DOCK8: variants seen among roughly 807,000 people sequenced by gnomAD.
The protein encoded by DOCK8 is dedicator of cytokinesis protein 8.
DOCK8 carries 141 observed loss-of-function variants against 245.6 expected under a neutral mutation model. The ratio of observed to expected loss-of-function variants is 0.57; its 90% CI spans 0.50 to 0.66. The LOEUF is 0.66. Ranked by LOEUF, DOCK8 falls within the 30% of genes least tolerant of loss-of-function variation. The probability of loss-of-function intolerance (pLI) is 0.00; values close to 1 mark genes in which losing one functional copy is unlikely to be tolerated. For synonymous variants in DOCK8, 1,168 were observed against 970.2 expected, an observed-to-expected ratio of 1.20 and a Z score of -3.79; for missense variants, 2,965 against 2,603.4, an observed-to-expected ratio of 1.14 and a Z score of -3.02.
chr9:288,999 G>A (rs528278384), intron 3 of DOCK8, among the ~76,000 whole-genome samples: 236 of 152,268 alleles, frequency 1.5e-3, no homozygotes, highest in Non-Finnish European at 2.7e-3. Context: ...CATTCCTTAA[G>A]TAGACATGAC....
chr9:304,711 C>A lies in DOCK8; in HGVS notation c.528+7C>A, dbSNP rs114833839. ...CAGTGAACCCGCTGCTCAGGTATTT[C>A]CTGTCAACAAACATGGTTACCAGGT... On this transcript the variant is annotated splice_region_variant and intron_variant, in intron 5 of 47. Coordinates refer to ENST00000432829, the MANE Select transcript of DOCK8 (RefSeq NM_203447.4). 721 of 1,614,126 alleles carry A rather than the reference C, an allele frequency of 4.5e-4. 4 individuals carry two copies. The African/African-American group carries it at 7.4e-3, about 16-fold the overall frequency.
intron 14 of DOCK8, among the ~76,000 whole-genome samples, chr9:345,326 T>C (rs7019782): frequency 0.56 from 85,458 of 151,894 alleles, 25,061 homozygotes; most frequent in East Asian, 0.74. Flanking sequence ...TTATAAAAAG[T>C]TGATCTGCCT....
chr9:363,497 G>A (rs983662034), intron 14 of DOCK8, among the ~76,000 whole-genome samples: 8 of 152,178 alleles, frequency 5.3e-5, no homozygotes, highest in African/African-American at 1.4e-4. Flanking sequence ...AAAAGGAAAC[G>A]TTATTATTCT....
At chr9:384,649 G>T (rs189361739) in intron 22 of DOCK8, among the ~76,000 whole-genome samples, 1 of 152,370 alleles carries the variant, frequency 6.6e-6, no homozygotes, top group East Asian at 1.9e-4. Flanking sequence ...GGGCACCGTG[G>T]CTCATGCCAG....
At chr9:283,023 A>G (rs2048658457) in intron 2 of DOCK8, among the ~76,000 whole-genome samples, 1 of 152,174 alleles carries the variant, frequency 6.6e-6, no homozygotes, top group Admixed American at 6.5e-5. Flanking sequence ...TAAATATATT[A>G]TTTGACTCAC....
rs183014004 is a variant in DOCK8, at chr9:220,171, A to G, written c.53+5142A>G. Among the ~76,000 whole-genome samples the G allele has an allele frequency of 2.0e-5, 3 of 152,314 alleles. No homozygotes were observed. The East Asian group carries it at 5.8e-4, about 29-fold the overall frequency. ...AAAGACCAACAGAGGGGCTTGGGCA[A>G]TCAGACACAGAATTTTTGGCCTTTC... On this transcript the variant is annotated intron_variant, in intron 1 of 47. Transcript: ENST00000432829.
At chr9:211,258 G>T (rs1463425455), upstream of DOCK8, among the ~76,000 whole-genome samples, 2 of 152,130 alleles carry the variant, frequency 1.3e-5, no homozygotes, top group Non-Finnish European at 1.5e-5. Context: ...GGCCTGGGCA[G>T]ACAGGAGCAC....
At position 376,263 on chromosome 9, in the gene DOCK8, A is replaced by T. The variant is rs2131256448; in HGVS notation, c.2163A>T (p.Val721=). The T allele has an allele frequency of 6.2e-7, 1 of 1,613,608 alleles. No homozygotes were observed. Among genetic ancestry groups the T allele is most frequent in the Non-Finnish European group, 8.5e-7 (1 of 1,179,580 alleles). Residue 721 remains valine, a synonymous_variant, in exon 19 of 48, where the codon GTA becomes GTT. Transcript: ENST00000432829. The part of the protein sequence containing the change: ...PIKWAEGHKG[V]FNIEVQAVSS... ...AGTGGGCTGAAGGACATAAGGGAGT[A>T]TTTAATATTGAAGTGCAAGCTGTTT... is the stretch of plus-strand genomic sequence containing the variant.
intron 28 of DOCK8, among the ~76,000 whole-genome samples, chr9:414,047 CAGA>C (rs906697953): frequency 6.6e-6 from 1 of 151,056 alleles, no homozygotes; most frequent in Non-Finnish European, 1.5e-5. Flanking sequence ...GAGGCTGAGT[CAGA>C]AGAATTGCTT....
chr9:309,905 T>C (rs1300877719), intron 5 of DOCK8, among the ~76,000 whole-genome samples: 1 of 152,204 alleles, frequency 6.6e-6, no homozygotes, highest in Non-Finnish European at 1.5e-5. Context: ...TATCTATTTA[T>C]TTGTGAATGA....
intron 10 of DOCK8, among the ~76,000 whole-genome samples, chr9:333,131 C>T (rs560195747): frequency 6.6e-6 from 1 of 152,192 alleles, no homozygotes; most frequent in African/African-American, 2.4e-5. Context: ...AGTGCCAGAG[C>T]TCTCCTGGCC....
At chr9:237,213 G>T in intron 1 of DOCK8, among the ~76,000 whole-genome samples, 1 of 152,368 alleles carries the variant, frequency 6.6e-6, no homozygotes, top group South Asian at 2.1e-4. Flanking sequence ...ACAAGGATTT[G>T]GATGTGGGAG....
chr9:295,671 A>T (rs750453179), intron 4 of DOCK8, among the ~76,000 whole-genome samples: 6 of 152,170 alleles, frequency 3.9e-5, no homozygotes, highest in Non-Finnish European at 5.9e-5. Context: ...TCAAACACTG[A>T]TTTAGTTAGC....
At chr9:293,762 G>C (rs2049142414) in intron 4 of DOCK8, among the ~76,000 whole-genome samples, 1 of 152,214 alleles carries the variant, frequency 6.6e-6, no homozygotes, top group African/African-American at 2.4e-5. Flanking sequence ...TTCATAAGTG[G>C]TTTACTAGAA....
At chr9:429,629 T>G in intron 35 of DOCK8, 73 bp from the exon 36 acceptor site, 1 of 1,569,006 alleles carries the variant, frequency 6.4e-7, no homozygotes, top group Non-Finnish European at 8.7e-7. Flanking sequence ...AATGGACATT[T>G]GCATATTTCA....
intron 28 of DOCK8, among the ~76,000 whole-genome samples, chr9:408,506 C>T (rs993176524): frequency 6.6e-6 from 1 of 152,178 alleles, no homozygotes; most frequent in Non-Finnish European, 1.5e-5. Context: ...GAATGTTCTA[C>T]CCTACAACTA....
rs745708436 is a variant in DOCK8 at position 414,819 on chromosome 9, C to T, written c.3568C>T (p.His1190Tyr). Residue 1190 changes from histidine (H) to tyrosine (Y), a missense_variant, in exon 29 of 48, where the codon CAC (histidine) becomes TAC (tyrosine). Around this residue, in one of 3 missense-constraint regions of DOCK8, gnomAD observed 2,825 missense variants for 2,453.5 expected, o/e 1.15. Coordinates refer to ENST00000432829, the MANE Select transcript of DOCK8 (RefSeq NM_203447.4). Reference sequence around the variant, plus strand: ...ACAAAGGAAAGCTGTCAGTGCAATTCACAGCCTGCTAAGTTCTCACGACCT... The same window carrying T: ...ACAAAGGAAAGCTGTCAGTGCAATTTACAGCCTGCTAAGTTCTCACGACCT... ...KVQRKAVSAI[H>Y]SLLSSHDLDP... 5.0e-6 allele frequency: 8 copies of T among 1,614,112 alleles called. No homozygotes were observed. The African/African-American group carries it at 1.1e-4, about 22-fold the overall frequency.
rs559860315 is a variant in DOCK8 at position 236,815 on chromosome 9, T to C, written c.53+21786T>C. The stretch of plus-strand genomic sequence containing the variant: ...CTGCTTCCATCTTACAGCTCTACCA[T>C]CTTGTGACTTTCAGATTATGTTGGC... On this transcript the variant is annotated intron_variant, in intron 1 of 47. Transcript: ENST00000432829. Among the ~76,000 whole-genome samples the C allele has an allele frequency of 2.0e-5, 3 of 152,300 alleles. No individual in the cohort carries two copies. The East Asian group carries it at 5.8e-4, about 29-fold the overall frequency.
At chr9:408,424 C>G (rs1586944365) in intron 28 of DOCK8, among the ~76,000 whole-genome samples, 1 of 152,208 alleles carries the variant, frequency 6.6e-6, no homozygotes, top group South Asian at 2.1e-4. Flanking sequence ...CCTTTGAGAA[C>G]TTCACTTTCC....
Sources: allele counts gnomAD v4.1 joint callset (sites outside exome capture counted in the v4.1 genomes callset), GRCh38; gene constraint gnomAD v4.1.1; regional missense constraint gnomAD v4.1.1; transcripts MANE v1.5; gene names NCBI Gene and HGNC (gene_info 2026-07-23, HGNC 2026-07-21).